The following PTPRR variants were observed in gnomAD, a reference collection of about 807,000 sequenced individuals.
The protein encoded by PTPRR is receptor-type tyrosine-protein phosphatase R.
PTPRR carries 38 observed loss-of-function variants against 77.2 expected under a neutral mutation model. The observed-to-expected ratio is 0.49, with a 90% CI of 0.38 to 0.65. The LOEUF (loss-of-function observed/expected upper bound fraction) is 0.65. PTPRR is among the 30% of genes least tolerant of loss of function. PTPRR has a pLI of 0.00. For missense variants in PTPRR, 744 were observed against 799.2 expected (o/e 0.93, Z 0.83); for synonymous variants, 299 against 283.1 (o/e 1.06, Z -0.57).
intron 2 of PTPRR, among the ~76,000 whole-genome samples, chr12:70,827,841 C>G (rs1312488398): frequency 6.6e-6 from 1 of 151,556 alleles, no homozygotes; most frequent in Non-Finnish European, 1.5e-5. Context: ...CTGTCTCAGC[C>G]TCCCGAGTAG....
intron 2 of PTPRR, among the ~76,000 whole-genome samples, chr12:70,807,292 T>G (rs1166349924): frequency 6.6e-6 from 1 of 152,232 alleles, no homozygotes; most frequent in Non-Finnish European, 1.5e-5. Flanking sequence ...TTAAAATTAT[T>G]TATTGCATCA....
rs1407872329 is a variant in PTPRR at position 70,684,769 on chromosome 12, C to A, written c.1294G>T (p.Val432Leu). 2 of 1,605,764 alleles carry A rather than the reference C, an allele frequency of 1.2e-6. No individual in the cohort carries two copies. The highest frequency in any genetic ancestry group is 1.7e-4 in the Middle Eastern group (1 of 6,032). The change falls in exon 9 of 14, where the codon GTG becomes TTG. Residue 432 changes from valine to leucine, a missense_variant. Transcript: ENST00000283228. ...GTTACATTTTTTGGTCTTAAACACACTCTGCTGAGGGGATCTAATGAAGAA... is the reference window on the plus strand; with the variant it reads ...GTTACATTTTTTGGTCTTAAACACAATCTGCTGAGGGGATCTAATGAAGAA... ...KTILPNPLSR[V>L]CLRPKNVTDS... is the part of the protein sequence containing the mutation.
At chr12:70,719,886 T>TTACAATGGCAA (rs1475809580) in intron 6 of PTPRR, among the ~76,000 whole-genome samples, 2 of 152,228 alleles carry the variant, frequency 1.3e-5, no homozygotes, top group Non-Finnish European at 2.9e-5. Context: ...AACAAGTGTC[T>TTACAATGGCAA]CAAGTAGGAT....
chr12:70,675,305 A>G (rs962824263), intron 10 of PTPRR, among the ~76,000 whole-genome samples: 2 of 151,424 alleles, frequency 1.3e-5, no homozygotes, highest in Non-Finnish European at 3.0e-5. Context: ...TATGATTTGG[A>G]TTTTTTTCTA....
intron 2 of PTPRR, among the ~76,000 whole-genome samples, chr12:70,882,373 G>A (rs1184389539): frequency 1.3e-5 from 2 of 152,040 alleles, no homozygotes; most frequent in Non-Finnish European, 2.9e-5. Flanking sequence ...AGTCACTACC[G>A]TGACTGCTGC....
At chr12:70,688,169 T>C (rs532220362) in intron 8 of PTPRR, among the ~76,000 whole-genome samples, 54 of 152,242 alleles carry the variant, frequency 3.5e-4, no homozygotes, top group South Asian at 1.7e-3. Flanking sequence ...ATGACATTGA[T>C]GTGGGCAAAA....
chr12:70,871,631 G>C (rs1044795494), intron 2 of PTPRR, among the ~76,000 whole-genome samples: 3 of 152,168 alleles, frequency 2.0e-5, no homozygotes, highest in Non-Finnish European at 4.4e-5. Flanking sequence ...TATGGGGACT[G>C]TCTCAGTACT....
intron 2 of PTPRR, among the ~76,000 whole-genome samples, chr12:70,860,021 C>A (rs906888317): frequency 1.3e-5 from 2 of 151,880 alleles, no homozygotes; most frequent in African/African-American, 4.8e-5. Context: ...GCTTTTTTCC[C>A]CCTCCTCAGG....
Position 70,671,923 on chromosome 12 carries a change from G to A in PTPRR, c.1498-9318C>T. ...GCCACCGCCGCCAGGCTCTGATGCTGGTCTCTGGTAGAAGAAGGTTGCTCA... is the reference window on the plus strand; with the variant it reads ...GCCACCGCCGCCAGGCTCTGATGCTAGTCTCTGGTAGAAGAAGGTTGCTCA... On this transcript the variant is annotated intron_variant, in intron 10 of 13. Coordinates refer to ENST00000283228, the MANE Select transcript of PTPRR (RefSeq NM_002849.4). 3 of 927,786 alleles carry A rather than the reference G, an allele frequency of 3.2e-6. No individual in the cohort carries two copies. In the South Asian group the frequency reaches 4.6e-5, roughly 14 times the overall value. The allele number at this position is 927,786 out of a possible 1,614,324, so 57.5% of individuals were successfully genotyped here.
chr12:70,885,635 T>C (rs1893226766), intron 2 of PTPRR, among the ~76,000 whole-genome samples: 1 of 151,152 alleles, frequency 6.6e-6, no homozygotes, highest in South Asian at 2.1e-4. Context: ...CCTGGGTTCA[T>C]GCCATTCTCC....
intron 2 of PTPRR, among the ~76,000 whole-genome samples, chr12:70,808,649 A>C (rs1239304037): frequency 6.6e-6 from 1 of 152,202 alleles, no homozygotes; most frequent in Non-Finnish European, 1.5e-5. Flanking sequence ...TTGTCAAAGC[A>C]ATAAAGGTCC....
intron 2 of PTPRR, among the ~76,000 whole-genome samples, chr12:70,773,137 A>T (rs1425360018): frequency 6.6e-6 from 1 of 151,858 alleles, no homozygotes; most frequent in Non-Finnish European, 1.5e-5. Flanking sequence ...CTGTGTCCAA[A>T]TTTTCCCTTT....
At chr12:70,771,457 G>A (rs1890975401) in intron 2 of PTPRR, among the ~76,000 whole-genome samples, 1 of 152,090 alleles carries the variant, frequency 6.6e-6, no homozygotes, top group African/African-American at 2.4e-5. Flanking sequence ...CACTGCCTGG[G>A]TGATGGGATC....
chr12:70,757,035 G>A (rs1300915959), intron 4 of PTPRR, among the ~76,000 whole-genome samples: 2 of 152,176 alleles, frequency 1.3e-5, no homozygotes, highest in African/African-American at 2.4e-5. Flanking sequence ...TGCACAATGT[G>A]AGCAATTGTT....
chr12:70,703,158 T>C (rs1888494717), intron 6 of PTPRR, among the ~76,000 whole-genome samples: 1 of 152,178 alleles, frequency 6.6e-6, no homozygotes, highest in African/African-American at 2.4e-5. Context: ...CATTGTGTTA[T>C]TTGAAGGGAT....
chr12:70,895,203 T>C (rs1391349225), intron 1 of PTPRR, among the ~76,000 whole-genome samples: 1 of 151,694 alleles, frequency 6.6e-6, no homozygotes, highest in Non-Finnish European at 1.5e-5. Context: ...CTGGATTCTC[T>C]ATAAATAGTA....
chr12:70,916,108 T>A (rs926536921), intron 1 of PTPRR, among the ~76,000 whole-genome samples: 1 of 152,004 alleles, frequency 6.6e-6, no homozygotes, highest in African/African-American at 2.4e-5. Context: ...GAAAGAAAAG[T>A]TAGGCAGGGA....
At chr12:70,883,225 C>A (rs1232013198) in intron 2 of PTPRR, among the ~76,000 whole-genome samples, 2 of 152,148 alleles carry the variant, frequency 1.3e-5, no homozygotes, top group African/African-American at 4.8e-5. Context: ...CTCACCATTG[C>A]ACTCCAGCCT....
intron 8 of PTPRR, among the ~76,000 whole-genome samples, chr12:70,685,878 AAGAT>A (rs1311603568): frequency 7.9e-5 from 12 of 152,316 alleles, no homozygotes; most frequent in Non-Finnish European, 1.8e-4. Context: ...ATAGGAAACT[AAGAT>A]AGGTTAAATA....
Sources: gnomAD v4.1 joint callset for allele counts (sites outside exome capture counted in the v4.1 genomes callset) on GRCh38, gnomAD v4.1.1 for gene constraint, MANE v1.5 for transcripts, NCBI Gene and HGNC (gene_info 2026-07-23, HGNC 2026-07-21) for gene names.